The following TTLL5 variants were observed in gnomAD, a reference collection of about 807,000 sequenced individuals.
TTLL5 encodes tubulin polyglutamylase TTLL5.
In TTLL5, 132 loss-of-function variants were observed where a neutral mutation model predicts 168.4. The ratio of observed to expected loss-of-function variants is 0.78; its 90% CI spans 0.68 to 0.91. The LOEUF is 0.91. Ranked by LOEUF, TTLL5 falls within the 40% of genes least tolerant of loss-of-function variation. The pLI is 0.00. For synonymous variants in TTLL5, 546 were observed against 558.6 expected (o/e 0.98, Z 0.32); for missense variants, 1,545 against 1,581.5 (o/e 0.98, Z 0.39).
chr14:75,933,764 C>G (rs1326183790), intron 31 of TTLL5, among the ~76,000 whole-genome samples: 2 of 152,206 alleles, frequency 1.3e-5, no homozygotes, highest in Non-Finnish European at 2.9e-5. Context: ...AGAGATAGCT[C>G]TTTTAAAGAG....
At position 75,766,311 on chromosome 14, in the gene TTLL5, A is replaced by G. The variant is rs1273366157; in HGVS notation, c.1958A>G (p.Gln653Arg). ...KGGHCCKLET[Q>R]ELEPKFNLMQ... ...GGACACTGCTGCAAACTTGAGACTC[A>G]GGAGCTAGAGCCTAAATTTAACCTG... The change falls in exon 20 of 32, where the codon CAG (glutamine) becomes CGG (arginine). Residue 653 changes from glutamine to arginine, a missense_variant. Physicochemically the swap from Gln to Arg is conservative, Grantham distance 43 (BLOSUM62 1). Transcript: ENST00000298832. 2 of 1,614,034 alleles carry G rather than the reference A, an allele frequency of 1.2e-6. No homozygotes were observed. The highest frequency in any genetic ancestry group is 1.7e-6 in the Non-Finnish European group (2 of 1,179,974).
intron 15 of TTLL5, among the ~76,000 whole-genome samples, chr14:75,741,759 T>C (rs951038029): frequency 6.6e-6 from 1 of 152,174 alleles, no homozygotes; most frequent in Non-Finnish European, 1.5e-5. Context: ...TACATGCCTC[T>C]ACCCGACCCC....
At chr14:75,699,688 C>T (rs1057286118) in intron 7 of TTLL5, among the ~76,000 whole-genome samples, 6 of 152,214 alleles carry the variant, frequency 3.9e-5, no homozygotes, top group African/African-American at 9.6e-5. Flanking sequence ...ATGGTATCCT[C>T]GCTACTGCTG....
intron 21 of TTLL5, among the ~76,000 whole-genome samples, chr14:75,772,981 A>G (rs2140311198): frequency 6.6e-6 from 1 of 152,190 alleles, no homozygotes; most frequent in Non-Finnish European, 1.5e-5. Context: ...ATTCTTTTTA[A>G]TAACAGGGAT....
At chr14:75,801,198 C>A (rs2140367594) in intron 27 of TTLL5, among the ~76,000 whole-genome samples, 1 of 152,200 alleles carries the variant, frequency 6.6e-6, no homozygotes. Flanking sequence ...ACAGGGCTTG[C>A]TGCTTTTGCT....
intron 3 of TTLL5, among the ~76,000 whole-genome samples, chr14:75,672,170 T>C (rs1029536499): frequency 2.6e-5 from 4 of 152,222 alleles, no homozygotes; most frequent in African/African-American, 9.6e-5. Flanking sequence ...TGACTTTTTG[T>C]GTCTTGAACC....
At chr14:75,746,554 TTTC>T (rs1159665338) in intron 17 of TTLL5, among the ~76,000 whole-genome samples, 5 of 97,746 alleles carry the variant, frequency 5.1e-5, no homozygotes, top group East Asian at 7.5e-4. Flanking sequence ...CCTCTTTTCT[TTTC>T]TTTTTTTTTT....
chr14:75,842,052 G>A (rs936205669), intron 28 of TTLL5, among the ~76,000 whole-genome samples: 5 of 152,254 alleles, frequency 3.3e-5, no homozygotes, highest in Admixed American at 2.6e-4. Flanking sequence ...ATCCTGATGA[G>A]GCATCTGTAG....
intron 31 of TTLL5, among the ~76,000 whole-genome samples, chr14:75,939,045 T>C (rs1031875538): frequency 1.3e-5 from 2 of 152,212 alleles, no homozygotes; most frequent in African/African-American, 4.8e-5. Context: ...TCAGTAACTT[T>C]GCGTTGGTTA....
chr14:75,862,237 G>A (rs2030076696), intron 28 of TTLL5, among the ~76,000 whole-genome samples: 1 of 152,200 alleles, frequency 6.6e-6, no homozygotes, highest in Admixed American at 6.5e-5. Flanking sequence ...TTCATCTGTT[G>A]ATGGACATTT....
At chr14:75,699,124 A>G in intron 6 of TTLL5, 64 bp from the exon 7 acceptor site, 1 of 1,452,492 alleles carries the variant, frequency 6.9e-7, no homozygotes, top group South Asian at 1.2e-5. Flanking sequence ...AGTTGATATA[A>G]TAAACTCAAG....
chr14:75,669,589 T>C (rs1883555906), intron 3 of TTLL5, 67 bp downstream of exon 3: 10 of 1,395,338 alleles, frequency 7.2e-6, no homozygotes, highest in African/African-American at 7.1e-5. Context: ...CTTAAAGAAG[T>C]TGATATGACA....
At chr14:75,872,112 C>T (rs1405735812) in intron 29 of TTLL5, among the ~76,000 whole-genome samples, 1 of 152,206 alleles carries the variant, frequency 6.6e-6, no homozygotes, top group East Asian at 1.9e-4. Context: ...AGCTTTCTAT[C>T]TGGGGTCATG....
chr14:75,682,619 A>G (rs940548210), intron 4 of TTLL5, among the ~76,000 whole-genome samples: 34 of 152,154 alleles, frequency 2.2e-4, no homozygotes, highest in African/African-American at 7.0e-4. Flanking sequence ...CTCCAAAGAA[A>G]GTTGGAAGAT....
chr14:75,892,682 A>G (rs910123489), intron 30 of TTLL5, among the ~76,000 whole-genome samples: 2 of 152,190 alleles, frequency 1.3e-5, no homozygotes, highest in Non-Finnish European at 2.9e-5. Context: ...AAAACCCTGC[A>G]CTGAAGGATG....
chr14:75,914,369 G>A (rs997733759), intron 31 of TTLL5, among the ~76,000 whole-genome samples: 9 of 151,764 alleles, frequency 5.9e-5, no homozygotes, highest in African/African-American at 2.2e-4. Context: ...CTAAAGAAAA[G>A]AACACATACA....
At chr14:75,840,632 G>T (rs1896174702) in intron 28 of TTLL5, among the ~76,000 whole-genome samples, 1 of 152,138 alleles carries the variant, frequency 6.6e-6, no homozygotes, top group Non-Finnish European at 1.5e-5. Flanking sequence ...CATCTCAAAG[G>T]CTGGTTCCCA....
chr14:75,776,701 T>A, intron 22 of TTLL5, 46 bp from the exon 23 acceptor site: 1 of 1,401,288 alleles, frequency 7.1e-7, no homozygotes, highest in Non-Finnish European at 1.0e-6. Context: ...TTATTAGGAG[T>A]CAGTTTTATC....
chr14:75,831,229 G>GAA (rs1895542296), intron 28 of TTLL5, among the ~76,000 whole-genome samples: 1 of 152,148 alleles, frequency 6.6e-6, no homozygotes, highest in Admixed American at 6.5e-5. Context: ...ATCCTCTTAG[G>GAA]ATCTTCTGTA....
Sources: gnomAD v4.1 joint callset for allele counts (sites outside exome capture counted in the v4.1 genomes callset) on GRCh38, gnomAD v4.1.1 for gene constraint, MANE v1.5 for transcripts, NCBI Gene and HGNC (gene_info 2026-07-23, HGNC 2026-07-21) for gene names.